MROH7: variants seen among roughly 807,000 people sequenced by gnomAD.
The protein encoded by MROH7 is maestro heat like repeat family member 7, also known as maestro heat-like repeat-containing protein family member 7.
In MROH7, 113 loss-of-function variants were observed where a neutral mutation model predicts 129.2. The observed-to-expected ratio is 0.87, with a 90% confidence interval of 0.75 to 1.02. The LOEUF (loss-of-function observed/expected upper bound fraction) is 1.02, where lower values mean the gene tolerates loss of function less well. Among genes scored for constraint, MROH7 ranks in the 50% least tolerant of loss-of-function variants. The probability of loss-of-function intolerance (pLI) is 0.00; values close to 1 mark genes in which losing one functional copy is unlikely to be tolerated. For missense variants in MROH7, 1,601 were observed against 1,671.3 expected (o/e 0.96, Z 0.73); for synonymous variants, 655 against 667.9 (o/e 0.98, Z 0.30).
Position 54,653,888 on chromosome 1 carries a change from T to A in MROH7, c.962T>A (p.Ile321Asn), listed in dbSNP as rs1316040809. 9.3e-6 allele frequency: 15 copies of A among 1,613,634 alleles called. No homozygotes were observed. The highest frequency in any genetic ancestry group is 1.2e-5 in the Non-Finnish European group (14 of 1,179,818). ...HSSTHEPNSTISPPSCMTLIL... is the reference protein window; with the variant it reads ...HSSTHEPNSTNSPPSCMTLIL... ...AGCACCCATGAGCCCAACTCCACCATCTCTCCACCCTCATGCATGACTCTA... is the reference window on the plus strand; with the variant it reads ...AGCACCCATGAGCCCAACTCCACCAACTCTCCACCCTCATGCATGACTCTA... Residue 321 changes from isoleucine (I) to asparagine (N), a missense_variant, in exon 3 of 24, where the codon ATC (isoleucine) becomes AAC (asparagine). Physicochemically the swap from Ile to Asn is moderately radical, Grantham distance 149. Coordinates refer to ENST00000421030, the MANE Select transcript of MROH7 (RefSeq NM_001039464.4).
At chr1:54,681,702 G>A (rs1326010479) in intron 13 of MROH7, among the ~76,000 whole-genome samples, 1 of 152,172 alleles carries the variant, frequency 6.6e-6, no homozygotes, top group East Asian at 1.9e-4. Flanking sequence ...GTTGGGTGCA[G>A]ATGCTTTTCC....
Position 54,699,902 on chromosome 1 carries a change from G to A in MROH7, c.2965-419G>A, listed in dbSNP as rs1468013136. ...AGTTTTGGATGGAGCCCTGCGAGGT[G>A]GCAGGGGTCAGAGTGGAGGTGGGCA... On this transcript the variant is annotated intron_variant, in intron 17 of 23. Transcript: ENST00000421030. The A allele has an allele frequency of 3.7e-5, 21 of 566,390 alleles. No individual in the cohort carries two copies. In the East Asian group the frequency reaches 6.1e-4, roughly 17 times the overall value. 35.1% of individuals were successfully genotyped at this position (566,390 alleles called of 1,614,324 possible). A position where few individuals can be genotyped will look rare whatever the true frequency, so the allele number is the denominator to read the frequency against.
Position 54,653,496 on chromosome 1 carries a change from C to T in MROH7, c.570C>T (p.Gly190=), listed in dbSNP as rs760386537. 3.3e-5 allele frequency: 54 copies of T among 1,614,068 alleles called. 2 individuals are homozygous for T. The South Asian group carries it at 5.9e-4, about 18-fold the overall frequency. Residue 190 remains glycine, a synonymous_variant, in exon 3 of 24, where the codon GGC becomes GGT. Transcript: ENST00000421030. ...ATTCCAGAGAAGGTCTGGTTCTGGGCCACTGCATCTCTAGGCCAAGCTCAA... is the reference window on the plus strand; with the variant it reads ...ATTCCAGAGAAGGTCTGGTTCTGGGTCACTGCATCTCTAGGCCAAGCTCAA... ...RHHSREGLVL[G]HCISRPSSKA... is the part of the protein sequence containing the mutation.
intron 5 of MROH7, 43 bp from the exon 6 acceptor site, chr1:54,670,454 A>C (rs371432846): frequency 2.8e-5 from 45 of 1,579,058 alleles, no homozygotes; most frequent in Non-Finnish European, 3.6e-5. Flanking sequence ...GGTGGCCTGC[A>C]GTAGCCCTGT....
chr1:54,700,471 AG>A lies in MROH7; in HGVS notation c.3105+12del. The stretch of plus-strand genomic sequence containing the variant: ...CCGCAGGTCTGAGAAGGTGAGTGGG[AG>A]GCAGAGGAAAGCCTGGCCCAGCCAG... On this transcript the variant is annotated intron_variant, in intron 18 of 23. Transcript: ENST00000421030. 8 of 1,569,368 alleles carry A rather than the reference AG, an allele frequency of 5.1e-6. No individual in the cohort carries two copies. Among genetic ancestry groups the A allele is most frequent in the Non-Finnish European group, 6.9e-6 (8 of 1,156,280 alleles).
rs750593583 is a variant in MROH7, at chr1:54,670,476, C to T, written c.1390-21C>T. On this transcript the variant is annotated intron_variant, in intron 5 of 23. Coordinates refer to ENST00000421030, the MANE Select transcript of MROH7 (RefSeq NM_001039464.4). ...TGCAGTAGCCCTGTCCTCATCGGCC[C>T]TTCTGTGGCCCCCTGTCCAGAGGCA... 1.3e-5 allele frequency: 21 copies of T among 1,611,704 alleles called. No individual in the cohort carries two copies. The Admixed American group carries it at 1.8e-4, about 14-fold the overall frequency.
chr1:54,696,631 T>C (rs10888865), intron 17 of MROH7, among the ~76,000 whole-genome samples: 28,691 of 148,030 alleles, frequency 0.19, 3,130 homozygotes, highest in South Asian at 0.28. Flanking sequence ...GATTTATCTA[T>C]GCTGTTGCAT....
At position 54,668,921 on chromosome 1, in the gene MROH7, T is replaced by C. The variant is rs1433504949; in HGVS notation, c.1373T>C (p.Met458Thr). 6.2e-7 allele frequency: 1 copy of C among 1,612,244 alleles called. No homozygotes were observed. The highest frequency in any genetic ancestry group is 1.7e-5 in the Admixed American group (1 of 59,882). The change falls in exon 5 of 24, where the codon ATG becomes ACG. Residue 458 changes from methionine (M) to threonine (T), a missense_variant. Physicochemically the swap from Met to Thr is moderately conservative, Grantham distance 81. Coordinates refer to ENST00000421030, the MANE Select transcript of MROH7 (RefSeq NM_001039464.4). ...GAGGCAGAAGGAGAAAAGAAGACCA[T>C]GATAAAGAAGATTATGGTGGGGGAG... ...LLEAEGEKKT[M>T]IKKIMRQIQE... is the part of the protein sequence containing the mutation.
intron 12 of MROH7, 144 bp downstream of exon 12, chr1:54,679,583 G>A: frequency 1.1e-6 from 1 of 938,884 alleles, no homozygotes; most frequent in Non-Finnish European, 1.6e-6. Context: ...AAGGGGTGCT[G>A]GTGGCTGAGT....
chr1:54,674,351 A>G (rs1481905988), intron 10 of MROH7, among the ~76,000 whole-genome samples, 200 bp downstream of exon 10: 7 of 152,266 alleles, frequency 4.6e-5, no homozygotes, highest in African/African-American at 1.4e-4. Context: ...TACAAACAAA[A>G]CTATTTTGAT....
At chr1:54,674,855 G>A (rs1644956784) in intron 10 of MROH7, among the ~76,000 whole-genome samples, 1 of 152,186 alleles carries the variant, frequency 6.6e-6, no homozygotes, top group Admixed American at 6.5e-5. Context: ...GGCTCTGGGG[G>A]TAGAATGACC....
Position 54,693,454 on chromosome 1 carries a change from T to C in MROH7, c.2849+893T>C, listed in dbSNP as rs576376483. Among the ~76,000 whole-genome samples the C allele has an allele frequency of 1.3e-5, 2 of 152,244 alleles. 1 individual carries two copies. Among genetic ancestry groups the C allele is most frequent in the South Asian group, 4.1e-4 (2 of 4,826 alleles). On this transcript the variant is annotated intron_variant, in intron 16 of 23. Transcript: ENST00000421030. Reference sequence around the variant, plus strand: ...AAAGTACTTTGAATAGCCCCTGGCATATGGTAAGAGCTCCACACAGGCTAA... The same window carrying C: ...AAAGTACTTTGAATAGCCCCTGGCACATGGTAAGAGCTCCACACAGGCTAA...
chr1:54,651,608 C>T (rs945772850), intron 1 of MROH7: 2 of 152,310 alleles, frequency 1.3e-5, no homozygotes, highest in African/African-American at 4.8e-5. Context: ...GGGCCAGATA[C>T]AGAGGGCCTT....
chr1:54,656,902 T>C (rs1337469685), intron 3 of MROH7, among the ~76,000 whole-genome samples: 2 of 152,048 alleles, frequency 1.3e-5, no homozygotes, highest in African/African-American at 2.4e-5. Flanking sequence ...AAATTTACCG[T>C]CTAGGCCAGC....
rs372333293 is a variant in MROH7 at position 54,668,877 on chromosome 1, G to T, written c.1329G>T (p.Gln443His). Residue 443 changes from glutamine to histidine, a missense_variant, in exon 5 of 24, where the codon CAG becomes CAT. Gln to His is a conservative substitution (Grantham distance 24). Coordinates refer to ENST00000421030, the MANE Select transcript of MROH7 (RefSeq NM_001039464.4). ...AGGTTGAGAATGTCACCACCCTTCAGAAGAGCCAGGATCTGCTGGAGGCAG... is the reference window on the plus strand; with the variant it reads ...AGGTTGAGAATGTCACCACCCTTCATAAGAGCCAGGATCTGCTGGAGGCAG... Reference protein sequence around the residue: ...MALVENVTTLQKSQDLLEAEG... With the variant: ...MALVENVTTLHKSQDLLEAEG... 24 of 1,613,168 alleles carry T rather than the reference G, an allele frequency of 1.5e-5. No homozygotes were observed. The African/African-American group carries it at 2.7e-4, about 18-fold the overall frequency.
intron 17 of MROH7, among the ~76,000 whole-genome samples, chr1:54,696,064 T>G (rs1464357009): frequency 6.6e-6 from 1 of 152,160 alleles, no homozygotes; most frequent in Non-Finnish European, 1.5e-5. Flanking sequence ...TAACAGCTAA[T>G]ATTTATTGAG....
In MROH7 at chr1:54,706,551, G is replaced by A. The variant is rs1377722610; in HGVS notation, c.3667+14G>A. The A allele has an allele frequency of 3.1e-6, 5 of 1,590,386 alleles. No individual in the cohort carries two copies. The Middle Eastern group carries it at 6.6e-4, about 211-fold the overall frequency. On this transcript the variant is annotated intron_variant, in intron 22 of 23. Transcript: ENST00000421030. ...TCATGTTCATAGGTAACCTGCCCTG[G>A]CATAAGTCATCCTGCTGCCAGGGCT...
Position 54,653,348 on chromosome 1 carries a change from C to G in MROH7, c.422C>G (p.Ser141Cys). 1 of 1,614,214 alleles carries G rather than the reference C, an allele frequency of 6.2e-7. No homozygotes were observed. The highest frequency in any genetic ancestry group is 8.5e-7 in the Non-Finnish European group (1 of 1,180,034). Reference protein sequence around the residue: ...PSSTEAPRLSSGNHPQSNSED... With the variant: ...PSSTEAPRLSCGNHPQSNSED... ...TCTACTGAGGCCCCTCGTCTGAGCT[C>G]TGGGAACCACCCTCAGTCAAATTCT... is the stretch of plus-strand genomic sequence containing the variant. Residue 141 changes from serine (S) to cysteine (C), a missense_variant, in exon 3 of 24, where the codon TCT (serine) becomes TGT (cysteine). By Grantham distance (112) the Ser-to-Cys change is moderately radical. Coordinates refer to ENST00000421030, the MANE Select transcript of MROH7 (RefSeq NM_001039464.4).
chr1:54,691,786 CA>C lies in MROH7; in HGVS notation c.2712-621del, dbSNP rs1199947432. On this transcript the variant is annotated intron_variant, in intron 15 of 23. Transcript: ENST00000421030. The stretch of plus-strand genomic sequence containing the variant: ...GCACCATTGCACTCCAGCCTGGCGA[CA>C]AAAAAAAAAAAAAAAAGTGTGTGTG... Among the ~76,000 whole-genome samples the C allele has an allele frequency of 8.0e-3, 527 of 65,752 alleles. 3 individuals carry two copies. The highest frequency in any genetic ancestry group is 0.028 in the Middle Eastern group (3 of 108). The allele number at this position is 65,752 out of a possible 152,430, so 43.1% of individuals were successfully genotyped here.
Sources: allele counts gnomAD v4.1 joint callset (sites outside exome capture counted in the v4.1 genomes callset), GRCh38; gene constraint gnomAD v4.1.1; transcripts MANE v1.5; gene names NCBI Gene and HGNC (gene_info 2026-07-23, HGNC 2026-07-21).